IGSF10: variants seen among roughly 807,000 people sequenced by gnomAD.
IGSF10 encodes the protein immunoglobulin superfamily member 10, also known as calvaria mechanical force protein 608.
Under a neutral mutation model 128.2 loss-of-function variants are expected in IGSF10, and 126 were observed. The ratio of observed to expected loss-of-function variants is 0.98; its 90% CI spans 0.85 to 1.14. IGSF10 has a LOEUF of 1.14. Among genes scored for constraint, IGSF10 ranks in the 50% most tolerant of loss-of-function variants. IGSF10 has a pLI of 0.00. For missense variants in IGSF10, 3,295 were observed against 3,149.8 expected (o/e 1.05, Z -1.10); for synonymous variants, 1,185 against 1,146.2 (o/e 1.03, Z -0.68).
chr3:151,448,677 G>A lies in IGSF10; in HGVS notation c.1304C>T (p.Ser435Phe). ...DPSWLMQDQISLQLNRTATTF... is the reference protein window; with the variant it reads ...DPSWLMQDQIFLQLNRTATTF... Reference sequence around the variant, plus strand: ...GGTGGCAGTTCTGTTCAGCTGCAAGGAAATTTGGTCTTGCATTAACCAAGA... The same window carrying A: ...GGTGGCAGTTCTGTTCAGCTGCAAGAAAATTTGGTCTTGCATTAACCAAGA... Residue 435 changes from serine to phenylalanine, a missense_variant, in exon 6 of 8, where the codon TCC (serine) becomes TTC (phenylalanine). Coordinates refer to ENST00000282466, the MANE Select transcript of IGSF10 (RefSeq NM_178822.5). 1 of 1,614,104 alleles carries A rather than the reference G, an allele frequency of 6.2e-7. No homozygotes were observed. Among genetic ancestry groups the A allele is most frequent in the Non-Finnish European group, 8.5e-7 (1 of 1,180,012 alleles).
At chr3:151,602,710 G>A in the IGSF10 span, among the ~76,000 whole-genome samples, 1 of 151,658 alleles carries the variant, frequency 6.6e-6, no homozygotes, top group Non-Finnish European at 1.5e-5. Context: ...CAGATGTCTT[G>A]CCCTCTCCAT....
chr3:151,433,391 C>T (rs999258860), downstream of IGSF10: 3 of 152,576 alleles, frequency 2.0e-5, no homozygotes, highest in Non-Finnish European at 4.4e-5. Flanking sequence ...CTCTTCTTTG[C>T]TTTTGTTGTG....
the IGSF10 span, among the ~76,000 whole-genome samples, chr3:151,503,508 TAGAGACA>T: frequency 6.6e-6 from 1 of 152,148 alleles, no homozygotes; most frequent in South Asian, 2.1e-4. Context: ...CTTAACAGAT[TAGAGACA>T]AAGGAGTAAA....
chr3:151,445,711 G>A lies in IGSF10; in HGVS notation c.4270C>T (p.Leu1424=), dbSNP rs931252433. 5.0e-6 allele frequency: 8 copies of A among 1,614,102 alleles called. No individual in the cohort carries two copies. The Admixed American group carries it at 8.3e-5, about 17-fold the overall frequency. The change falls in exon 6 of 8, where the codon CTA becomes TTA. Residue 1424 remains leucine, a synonymous_variant. Coordinates refer to ENST00000282466, the MANE Select transcript of IGSF10 (RefSeq NM_178822.5). Reference sequence around the variant, plus strand: ...AAAGTCTGAGTACTTGCTTGGGCTAGTTCTTCAATCACATCTGTCAGATTA... The same window carrying A: ...AAAGTCTGAGTACTTGCTTGGGCTAATTCTTCAATCACATCTGTCAGATTA... ...TLNLTDVIEE[L]AQASTQTLKS...
At chr3:151,563,382 T>C in the IGSF10 span, among the ~76,000 whole-genome samples, 1 of 152,142 alleles carries the variant, frequency 6.6e-6, no homozygotes, top group Non-Finnish European at 1.5e-5. Flanking sequence ...CCTTCTTAAT[T>C]TGAGGTATGT....
chr3:151,465,338 T>G (rs1372935362), upstream of IGSF10, among the ~76,000 whole-genome samples: 3 of 152,144 alleles, frequency 2.0e-5, no homozygotes, highest in African/African-American at 7.2e-5. Context: ...AGAATGACCA[T>G]TGTTGTTGTC....
At chr3:151,570,543 G>C in the IGSF10 span, among the ~76,000 whole-genome samples, 1 of 152,176 alleles carries the variant, frequency 6.6e-6, no homozygotes, top group East Asian at 1.9e-4. Flanking sequence ...CTTTTGAAAA[G>C]TGTCTGTTCA....
rs1721187332 is a variant in IGSF10 at position 151,446,353 on chromosome 3, C to T, written c.3628G>A (p.Val1210Ile). 1 of 1,613,372 alleles carries T rather than the reference C, an allele frequency of 6.2e-7. No individual in the cohort carries two copies. Among genetic ancestry groups the T allele is most frequent in the African/African-American group, 1.3e-5 (1 of 74,908 alleles). Residue 1210 changes from valine (V) to isoleucine (I), a missense_variant, in exon 6 of 8, where the codon GTA becomes ATA. Coordinates refer to ENST00000282466, the MANE Select transcript of IGSF10 (RefSeq NM_178822.5). The stretch of plus-strand genomic sequence containing the variant: ...CTGCCTTTTGGGTTATGGTTATTTA[C>T]AAAGTTCTGTTGCCAGGGAATTTTC... Reference protein sequence around the residue: ...RRKIPWQQNFVNNHNPKGRLR... With the variant: ...RRKIPWQQNFINNHNPKGRLR...
the IGSF10 span, among the ~76,000 whole-genome samples, chr3:151,599,131 C>T: frequency 1.3e-5 from 2 of 152,182 alleles, no homozygotes; most frequent in Non-Finnish European, 2.9e-5. Flanking sequence ...GGCTGGGAGC[C>T]GTCGAGTGGA....
Position 151,437,681 on chromosome 3 carries a change from TA to T in IGSF10, c.6879del (p.His2293GlnfsTer11). 6.2e-7 allele frequency: 1 copy of T among 1,614,200 alleles called. No individual in the cohort carries two copies. Among genetic ancestry groups the T allele is most frequent in the Non-Finnish European group, 8.5e-7 (1 of 1,180,036 alleles). On this transcript the variant is annotated frameshift_variant, in exon 8 of 8. Transcript: ENST00000282466. LOFTEE classifies it low-confidence loss of function (END_TRUNC). Reference protein sequence around the residue: ...APYYGSRITVHKNGTLEIRNV... With the variant: ...APYYGSRITVXKNGTLEIRNV... ...TTCCTAATTTCCAAGGTTCCATTTT[TA>T]TGGACTGTGATTCTGCTTCCATAGT...
chr3:151,519,146 C>T, the IGSF10 span, among the ~76,000 whole-genome samples: 1 of 151,696 alleles, frequency 6.6e-6, no homozygotes, highest in Non-Finnish European at 1.5e-5. Flanking sequence ...AACAACCAAC[C>T]ACAAAAATCT....
the IGSF10 span, among the ~76,000 whole-genome samples, chr3:151,586,007 T>C: frequency 6.7e-6 from 1 of 148,880 alleles, no homozygotes; most frequent in Admixed American, 6.7e-5. Flanking sequence ...TGAGACAGGG[T>C]CTCACTCTGT....
In IGSF10 at chr3:151,453,383, C is replaced by G; in HGVS notation, c.715+1G>C. The G allele has an allele frequency of 6.3e-7, 1 of 1,574,882 alleles. No homozygotes were observed. Among genetic ancestry groups the G allele is most frequent in the Non-Finnish European group, 8.6e-7 (1 of 1,166,820 alleles). On this transcript the variant is annotated splice_donor_variant, in intron 5 of 7. Coordinates refer to ENST00000282466, the MANE Select transcript of IGSF10 (RefSeq NM_178822.5). LOFTEE classifies it high-confidence loss of function. ...GACAAAAAAATAAACAATATAGATA[C>G]CTGGCTTCTCCTGTATCCAGTCAGA...
the IGSF10 span, among the ~76,000 whole-genome samples, chr3:151,606,730 C>T: frequency 7.2e-5 from 11 of 152,158 alleles, no homozygotes; most frequent in African/African-American, 2.2e-4. Context: ...TACACACAGA[C>T]GAACTGGGCC....
At chr3:151,492,021 TA>T in the IGSF10 span, among the ~76,000 whole-genome samples, 130,952 of 152,030 alleles carry the variant, frequency 0.86, 56,651 homozygotes, top group Middle Eastern at 0.95. Context: ...CACACCAAAC[TA>T]AAAAAACTCC....
chr3:151,517,761 C>T, the IGSF10 span, among the ~76,000 whole-genome samples: 2 of 152,034 alleles, frequency 1.3e-5, no homozygotes, highest in Admixed American at 1.3e-4. Flanking sequence ...CCAGACCAAA[C>T]CAAAATGGAG....
chr3:151,535,841 CT>C, the IGSF10 span, among the ~76,000 whole-genome samples: 1 of 152,172 alleles, frequency 6.6e-6, no homozygotes. Flanking sequence ...ATAATCAAGT[CT>C]TTCCTCTAGA....
chr3:151,580,977 G>A, the IGSF10 span, among the ~76,000 whole-genome samples: 1 of 151,622 alleles, frequency 6.6e-6, no homozygotes, highest in East Asian at 1.9e-4. Flanking sequence ...AATAGAGAGA[G>A]AGGAGAGAAG....
the IGSF10 span, among the ~76,000 whole-genome samples, chr3:151,553,489 T>C: frequency 1.3e-5 from 2 of 152,084 alleles, no homozygotes; most frequent in African/African-American, 2.4e-5. Flanking sequence ...TTTCATACCA[T>C]GTTAAAACAT....
Sources: allele counts gnomAD v4.1 joint callset (sites outside exome capture counted in the v4.1 genomes callset), GRCh38; gene constraint gnomAD v4.1.1; transcripts MANE v1.5; gene names NCBI Gene and HGNC (gene_info 2026-07-23, HGNC 2026-07-21).